EDEM2: variants seen among roughly 807,000 people sequenced by gnomAD.
EDEM2 encodes ER degradation enhancing alpha-mannosidase like protein 2.
In EDEM2, 39 loss-of-function variants were observed where a neutral mutation model predicts 64.8. The ratio of observed to expected loss-of-function variants is 0.60; its 90% CI spans 0.47 to 0.79. The LOEUF (loss-of-function observed/expected upper bound fraction) is 0.79. Among genes scored for constraint, EDEM2 ranks in the 30% least tolerant of loss-of-function variants. EDEM2 has a pLI of 0.00. For missense variants in EDEM2, 609 were observed against 731.3 expected (o/e 0.83, Z 1.93); for synonymous variants, 296 against 291.5 (o/e 1.02, Z -0.16).
chr20:35,138,365 A>G (rs1244662718), intron 4 of EDEM2, among the ~76,000 whole-genome samples: 1 of 151,942 alleles, frequency 6.6e-6, no homozygotes, highest in Non-Finnish European at 1.5e-5. Context: ...TCGTATGAAG[A>G]TACTGAGGTT....
Position 35,115,877 on chromosome 20 carries a change from G to C in EDEM2, c.1293C>G (p.Ala431=). The change falls in exon 11 of 11, where the codon GCC becomes GCG. Residue 431 remains alanine, a synonymous_variant. Coordinates refer to ENST00000374492, the MANE Select transcript of EDEM2 (RefSeq NM_018217.3). ...LDNRMESFFL[A]ETVKYLYLLF... ...GGAGGTAGAGGTATTTCACAGTCTC[G>C]GCCAGGAAGAACGACTCCATGCGGT... 6.2e-7 allele frequency: 1 copy of C among 1,613,902 alleles called. No individual in the cohort carries two copies. The highest frequency in any genetic ancestry group is 8.5e-7 in the Non-Finnish European group (1 of 1,180,032).
intron 2 of EDEM2, 43 bp from the exon 3 acceptor site, chr20:35,145,061 A>G (rs2085710866): frequency 6.2e-7 from 1 of 1,607,510 alleles, no homozygotes; most frequent in Non-Finnish European, 8.5e-7. Context: ...AAGAAAATCA[A>G]ATACCAGATA....
intron 5 of EDEM2, 85 bp from the exon 6 acceptor site, chr20:35,135,034 C>A (rs1351276096): frequency 1.3e-5 from 17 of 1,283,800 alleles, no homozygotes; most frequent in Non-Finnish European, 1.7e-5. Flanking sequence ...GGGACCTTAG[C>A]CAGCACTTCC....
In EDEM2 at chr20:35,134,760, TCCC is replaced by T. The variant is rs1367629622; in HGVS notation, c.677_679del (p.Trp226_Glu227delinsTer). The stretch of plus-strand genomic sequence containing the variant: ...TACCAGCCCGATATCTGACCGGCTC[TCCC>T]AGAGGCGCATCAAAGCCACTCTGGC... On this transcript the variant is annotated stop_gained and inframe_deletion, in exon 6 of 11. Transcript: ENST00000374492. LOFTEE classifies it high-confidence loss of function. The T allele has an allele frequency of 6.2e-7, 1 of 1,613,290 alleles. No individual in the cohort carries two copies. The highest frequency in any genetic ancestry group is 8.5e-7 in the Non-Finnish European group (1 of 1,179,996).
chr20:35,116,703 C>G (rs751119886), intron 10 of EDEM2, among the ~76,000 whole-genome samples: 1 of 152,148 alleles, frequency 6.6e-6, no homozygotes, highest in Non-Finnish European at 1.5e-5. Context: ...CTAATCGTCC[C>G]TTTTAATGAT....
At chr20:35,147,050 C>T (rs755517246) in intron 1 of EDEM2, 102 bp downstream of exon 1, 7 of 1,541,024 alleles carry the variant, frequency 4.5e-6, no homozygotes, top group Non-Finnish European at 3.5e-6. Context: ...TGGGACCTAG[C>T]GGCTGTGTCG....
chr20:35,117,847 G>A (rs571079847), intron 10 of EDEM2, among the ~76,000 whole-genome samples: 1 of 152,126 alleles, frequency 6.6e-6, no homozygotes, highest in African/African-American at 2.4e-5. Context: ...CAGCCAAAGC[G>A]ATCTTTCTAA....
chr20:35,142,780 T>C (rs1856344335), intron 3 of EDEM2, among the ~76,000 whole-genome samples: 1 of 152,228 alleles, frequency 6.6e-6, no homozygotes, highest in Non-Finnish European at 1.5e-5. Flanking sequence ...TGTTTCGTTT[T>C]TTTGAGACAG....
In EDEM2 at chr20:35,142,248, G is replaced by A. The variant is rs575582785; in HGVS notation, c.364+125C>T. 38 of 707,310 alleles carry A rather than the reference G, an allele frequency of 5.4e-5. No homozygotes were observed. The East Asian group carries it at 6.8e-4, about 13-fold the overall frequency. The allele number at this position is 707,310 out of a possible 1,614,324, so 43.8% of individuals were successfully genotyped here. A position where few individuals can be genotyped will look rare whatever the true frequency, so the allele number is the denominator to read the frequency against. ...TCCAGGAGGGAAGAAGAGCTCTGTC[G>A]GTCAGAGGTTTTGGCCAAGGGTCCT... On this transcript the variant is annotated intron_variant, in intron 4 of 10. Coordinates refer to ENST00000374492, the MANE Select transcript of EDEM2 (RefSeq NM_018217.3).
intron 5 of EDEM2, 65 bp from the exon 6 acceptor site, chr20:35,135,014 C>T: frequency 6.6e-7 from 1 of 1,520,914 alleles, no homozygotes; most frequent in Non-Finnish European, 9.0e-7. Flanking sequence ...CTGATACACG[C>T]CCAAAGCCTG....
chr20:35,118,700 C>A lies in EDEM2; in HGVS notation c.1134G>T (p.Met378Ile). The change falls in exon 10 of 11, where the codon ATG becomes ATT. Residue 378 changes from methionine (M) to isoleucine (I), a missense_variant. By Grantham distance (10) the Met-to-Ile change is conservative. Transcript: ENST00000374492. ...GATCCCCCGTGGCACGGTAGAGGTA[C>A]ATTGCGCTTTCAATAAGTTCTGCAA... is the stretch of plus-strand genomic sequence containing the variant. ...PLRPELIESA[M>I]YLYRATGDPT... is the part of the protein sequence containing the mutation. 3 of 1,612,664 alleles carry A rather than the reference C, an allele frequency of 1.9e-6. No homozygotes were observed. The highest frequency in any genetic ancestry group is 2.5e-6 in the Non-Finnish European group (3 of 1,179,968).
intron 7 of EDEM2, among the ~76,000 whole-genome samples, chr20:35,129,546 G>A (rs2085480570): frequency 6.7e-6 from 1 of 149,910 alleles, no homozygotes; most frequent in Admixed American, 6.6e-5. Flanking sequence ...ACTCCAGCCT[G>A]GGCAACAGAG....
In EDEM2 at chr20:35,135,178, T is replaced by G. The variant is rs1175942047; in HGVS notation, c.491-229A>C. On this transcript the variant is annotated intron_variant, in intron 5 of 10. Coordinates refer to ENST00000374492, the MANE Select transcript of EDEM2 (RefSeq NM_018217.3). ...CATAACCTTGGGTTCCTGCTCATCA[T>G]GAGGGGGCAGGGAGCAGGCTGTGCT... Among the ~76,000 whole-genome samples the G allele has an allele frequency of 2.0e-5, 3 of 152,298 alleles. No individual in the cohort carries two copies. The South Asian group carries it at 6.2e-4, about 32-fold the overall frequency.
At position 35,142,385 on chromosome 20, in the gene EDEM2, T is replaced by C. The variant is rs141998071; in HGVS notation, c.352A>G (p.Thr118Ala). The C allele has an allele frequency of 1.8e-4, 296 of 1,613,518 alleles. No homozygotes were observed. The highest frequency in any genetic ancestry group is 3.3e-4 in the Admixed American group (20 of 59,976). Residue 118 changes from threonine to alanine, a missense_variant, in exon 4 of 11, where the codon ACA (threonine) becomes GCA (alanine). Coordinates refer to ENST00000374492, the MANE Select transcript of EDEM2 (RefSeq NM_018217.3). The stretch of plus-strand genomic sequence containing the variant: ...GAGCAGCCCTTACCTCGAATGTTTG[T>C]TTCAAACACAGAGGCGTTCACATCA... Reference protein sequence around the residue: ...DIDVNASVFETNIRVVGGLLS... With the variant: ...DIDVNASVFEANIRVVGGLLS...
intron 6 of EDEM2, among the ~76,000 whole-genome samples, chr20:35,132,803 G>A (rs1440042484): frequency 3.9e-5 from 6 of 152,178 alleles, no homozygotes; most frequent in Non-Finnish European, 4.4e-5. Flanking sequence ...CTCCCAAAGT[G>A]CTGGGATTAC....
At chr20:35,141,630 C>T (rs1468225631) in intron 4 of EDEM2, among the ~76,000 whole-genome samples, 1 of 152,158 alleles carries the variant, frequency 6.6e-6, no homozygotes, top group Non-Finnish European at 1.5e-5. Flanking sequence ...CCAGAGGTGA[C>T]AGCTGTTAAG....
Position 35,118,831 on chromosome 20 carries a change from A to G in EDEM2, c.1115-112T>C, listed in dbSNP as rs60675028. The G allele has an allele frequency of 4.7e-3, 6,827 of 1,449,846 alleles. 274 individuals carry two copies. In the African/African-American group the frequency reaches 0.086, roughly 18 times the overall value. 89.8% of individuals were successfully genotyped at this position (1,449,846 alleles called of 1,614,324 possible). ...TCCATATCTTGTCCATAAGGCCCCA[A>G]CTAGCAGGAACACAGGATACCTCAC... On this transcript the variant is annotated intron_variant, in intron 9 of 10. Coordinates refer to ENST00000374492, the MANE Select transcript of EDEM2 (RefSeq NM_018217.3).
chr20:35,144,426 C>T (rs374490517), intron 3 of EDEM2, among the ~76,000 whole-genome samples: 5 of 152,130 alleles, frequency 3.3e-5, no homozygotes, highest in South Asian at 2.1e-4. Context: ...CTCCGCCTCC[C>T]GGGTTCAGGC....
intron 5 of EDEM2, 102 bp from the exon 6 acceptor site, chr20:35,135,051 C>T: frequency 8.7e-7 from 1 of 1,152,442 alleles, no homozygotes; most frequent in East Asian, 2.4e-5. Flanking sequence ...TTCCCTCTTT[C>T]TCCTGGGTAT....
Sources: gnomAD v4.1 joint callset for allele counts (sites outside exome capture counted in the v4.1 genomes callset) on GRCh38, gnomAD v4.1.1 for gene constraint, MANE v1.5 for transcripts, NCBI Gene and HGNC (gene_info 2026-07-23, HGNC 2026-07-21) for gene names.